GRID1: variants seen among roughly 807,000 people sequenced by gnomAD.
GRID1 encodes the protein glutamate ionotropic receptor delta type subunit 1.
GRID1 carries 28 observed loss-of-function variants against 98.0 expected under a neutral mutation model. The observed-to-expected ratio is 0.29, with a 90% CI of 0.21 to 0.39. GRID1 has a LOEUF of 0.39. Among genes scored for constraint, GRID1 ranks in the 10% least tolerant of loss-of-function variants. GRID1 has a pLI of 1.00. For synonymous variants in GRID1, 553 were observed against 538.5 expected (o/e 1.03, Z -0.37); for missense variants, 1,111 against 1,340.5 (o/e 0.83, Z 2.67).
intron 8 of GRID1, among the ~76,000 whole-genome samples, chr10:85,806,773 C>T (rs1842626621): frequency 6.6e-6 from 1 of 152,034 alleles, no homozygotes; most frequent in Admixed American, 6.6e-5. Flanking sequence ...AACTTGCCTA[C>T]AATGAAGGGG....
intron 4 of GRID1, among the ~76,000 whole-genome samples, chr10:86,042,627 C>T (rs553234449): frequency 6.6e-6 from 1 of 152,248 alleles, no homozygotes; most frequent in African/African-American, 2.4e-5. Flanking sequence ...ACAGGATGCA[C>T]CAAAGAACTC....
At chr10:86,263,331 T>C (rs1394059060) in intron 2 of GRID1, among the ~76,000 whole-genome samples, 2 of 152,266 alleles carry the variant, frequency 1.3e-5, no homozygotes, top group Non-Finnish European at 2.9e-5. Flanking sequence ...TAAACCGGCC[T>C]TGGAGTGGCG....
intron 2 of GRID1, among the ~76,000 whole-genome samples, chr10:86,217,524 A>G (rs753310665): frequency 1.3e-5 from 2 of 152,202 alleles, no homozygotes; most frequent in Non-Finnish European, 2.9e-5. Flanking sequence ...TCCTTCATTC[A>G]GTCTGGGCGG....
chr10:86,152,950 C>T (rs1027097553), intron 3 of GRID1, among the ~76,000 whole-genome samples: 2 of 152,182 alleles, frequency 1.3e-5, no homozygotes, highest in African/African-American at 2.4e-5. Flanking sequence ...GATATTTACT[C>T]GGGTTTAATT....
At chr10:85,836,267 A>T (rs1245968576) in intron 8 of GRID1, among the ~76,000 whole-genome samples, 2 of 152,208 alleles carry the variant, frequency 1.3e-5, no homozygotes, top group Admixed American at 1.3e-4. Context: ...GGACAAGATG[A>T]CCAACTAGAT....
intron 4 of GRID1, among the ~76,000 whole-genome samples, chr10:85,999,882 G>A (rs1842784295): frequency 6.6e-6 from 1 of 152,154 alleles, no homozygotes; most frequent in Non-Finnish European, 1.5e-5. Context: ...AATAGTGAAA[G>A]ATTTAAAGCT....
intron 4 of GRID1, among the ~76,000 whole-genome samples, chr10:86,133,339 T>C (rs1171792645): frequency 1.3e-5 from 2 of 152,312 alleles, no homozygotes; most frequent in South Asian, 2.1e-4. Flanking sequence ...TGTGTGTGTG[T>C]GCACAAATGC....
intron 4 of GRID1, among the ~76,000 whole-genome samples, chr10:85,993,639 A>C (rs1196004355): frequency 6.6e-6 from 1 of 152,214 alleles, no homozygotes; most frequent in Non-Finnish European, 1.5e-5. Flanking sequence ...GCCCATGACT[A>C]GTAATAAGAG....
At chr10:85,809,837 AAGC>A (rs1842654469) in intron 8 of GRID1, among the ~76,000 whole-genome samples, 1 of 152,126 alleles carries the variant, frequency 6.6e-6, no homozygotes, top group Non-Finnish European at 1.5e-5. Flanking sequence ...GGGAAAGGGA[AAGC>A]AGAGGACCTG....
Position 85,723,099 on chromosome 10 carries a change from A to T in GRID1, c.1901T>A (p.Met634Lys), listed in dbSNP as rs1564570391. The T allele has an allele frequency of 1.2e-6, 2 of 1,612,026 alleles. No homozygotes were observed. The highest frequency in any genetic ancestry group is 1.7e-6 in the Non-Finnish European group (2 of 1,179,108). The change falls in exon 12 of 16, where the codon ATG (methionine) becomes AAG (lysine). Residue 634 changes from methionine to lysine, a missense_variant. This residue lies in a region of GRID1 where 762 missense variants were observed against 869.1 expected (regional missense o/e 0.88). Transcript: ENST00000327946. Reference sequence around the variant, plus strand: ...GAGCGTGAAGAGCCACCAGCTGCCCATCACGATGCGCATGGCCATGGAGTT... The same window carrying T: ...GAGCGTGAAGAGCCACCAGCTGCCCTTCACGATGCGCATGGCCATGGAGTT... ...SVNSMAMRIVMGSWWLFTLIV... is the reference protein window; with the variant it reads ...SVNSMAMRIVKGSWWLFTLIV...
At chr10:85,624,004 T>C (rs1310827154) in intron 13 of GRID1, among the ~76,000 whole-genome samples, 2 of 152,162 alleles carry the variant, frequency 1.3e-5, no homozygotes, top group Admixed American at 6.5e-5. Flanking sequence ...ACAACAGATA[T>C]TTAGATCTGC....
chr10:86,361,986 G>T (rs1050744593), intron 2 of GRID1, among the ~76,000 whole-genome samples: 1 of 152,184 alleles, frequency 6.6e-6, no homozygotes, highest in Non-Finnish European at 1.5e-5. Context: ...TGATGGGAGC[G>T]GACGGGCATC....
At chr10:86,059,925 G>C (rs1291659433) in intron 4 of GRID1, among the ~76,000 whole-genome samples, 1 of 152,170 alleles carries the variant, frequency 6.6e-6, no homozygotes, top group Non-Finnish European at 1.5e-5. Flanking sequence ...ATGCAAACGA[G>C]TATACGTAGC....
At chr10:85,704,289 G>T (rs1396966415) in intron 12 of GRID1, among the ~76,000 whole-genome samples, 2 of 151,636 alleles carry the variant, frequency 1.3e-5, no homozygotes, top group African/African-American at 4.8e-5. Context: ...CCAAGCAAGT[G>T]GAAAACAAAA....
chr10:86,358,114 A>ACACAGGCAAGTCTGTGGAGGCTC (rs1848557132), intron 2 of GRID1, among the ~76,000 whole-genome samples: 3 of 152,174 alleles, frequency 2.0e-5, no homozygotes, highest in African/African-American at 7.2e-5. Flanking sequence ...TCATTGGAGA[A>ACACAGGCAAGTCTGTGGAGGCTC]CACAGGCAAG....
chr10:85,759,592 T>C (rs17105848), intron 8 of GRID1, among the ~76,000 whole-genome samples: 4 of 152,224 alleles, frequency 2.6e-5, no homozygotes, highest in Non-Finnish European at 4.4e-5. Flanking sequence ...AAAGGCGATT[T>C]GCACAGTGAT....
chr10:86,179,135 AGT>A (rs1845618459), intron 3 of GRID1, among the ~76,000 whole-genome samples: 1 of 151,994 alleles, frequency 6.6e-6, no homozygotes, highest in African/African-American at 2.4e-5. Flanking sequence ...CCCCCAAGAC[AGT>A]ACACAGGCTA....
At chr10:85,879,435 T>C (rs1840964694) in intron 5 of GRID1, among the ~76,000 whole-genome samples, 1 of 152,198 alleles carries the variant, frequency 6.6e-6, no homozygotes, top group Non-Finnish European at 1.5e-5. Flanking sequence ...CAGACCACAG[T>C]GTAATCAAAC....
chr10:85,626,227 G>T (rs1024473535), intron 13 of GRID1, among the ~76,000 whole-genome samples: 1 of 152,154 alleles, frequency 6.6e-6, no homozygotes, highest in African/African-American at 2.4e-5. Flanking sequence ...CAGACAAAAA[G>T]ACTGAGGCTC....
Sources: allele counts gnomAD v4.1 joint callset (sites outside exome capture counted in the v4.1 genomes callset), GRCh38; gene constraint gnomAD v4.1.1; regional missense constraint gnomAD v4.1.1; transcripts MANE v1.5; gene names NCBI Gene and HGNC (gene_info 2026-07-23, HGNC 2026-07-21).